Variants in ARG2 observed in about 807,000 individuals in gnomAD.
ARG2 encodes arginase-2, mitochondrial.
A neutral mutation model predicts 39.4 loss-of-function variants in ARG2; 21 were observed. The ratio of observed to expected loss-of-function variants is 0.53; its 90% CI spans 0.38 to 0.77. The LOEUF is 0.77. Ranked by LOEUF, ARG2 falls within the 30% of genes least tolerant of loss-of-function variation. ARG2 has a pLI of 0.00. For synonymous variants in ARG2, 150 were observed against 156.7 expected (o/e 0.96, Z 0.32); for missense variants, 378 against 426.2 (o/e 0.89, Z 1.00).
At position 67,619,923 on chromosome 14, in the gene ARG2, C is replaced by T. The variant is rs2036788722; in HGVS notation, c.-55C>T. 1 of 1,270,956 alleles carries T rather than the reference C, an allele frequency of 7.9e-7. No homozygotes were observed. The highest frequency in any genetic ancestry group is 2.8e-5 in the Admixed American group (1 of 35,232). 78.7% of individuals were successfully genotyped at this position (1,270,956 alleles called of 1,614,324 possible). Reference sequence around the variant, plus strand: ...GCAGCGGCGGGCGGTGGCGCTCACTCCCGGCTTCCAACCGCGCGGAGCCTC... The same window carrying T: ...GCAGCGGCGGGCGGTGGCGCTCACTTCCGGCTTCCAACCGCGCGGAGCCTC... On this transcript the variant is annotated 5_prime_UTR_variant, in exon 1 of 8. Transcript: ENST00000261783.
At chr14:67,637,295 A>T (rs1388950372) in intron 2 of ARG2, among the ~76,000 whole-genome samples, 1 of 151,076 alleles carries the variant, frequency 6.6e-6, no homozygotes, top group Non-Finnish European at 1.5e-5. Context: ...CTGTAATCCC[A>T]GCTACTTGGG....
Position 67,646,996 on chromosome 14 carries a change from GGAAC to G in ARG2, c.698_701del (p.Arg233HisfsTer5), listed in dbSNP as rs767333263. 5 of 1,612,574 alleles carry G rather than the reference GGAAC, an allele frequency of 3.1e-6. No individual in the cohort carries two copies. The highest frequency in any genetic ancestry group is 4.2e-6 in the Non-Finnish European group (5 of 1,178,818). On this transcript the variant is annotated frameshift_variant, in exon 6 of 8. Transcript: ENST00000261783. LOFTEE classifies it high-confidence loss of function. ...ATCGACTTGGTATCCAGAAGGTCATGGAACGAACATTTGATCTGCTGATTGGCAA... is the reference window on the plus strand; with the variant it reads ...ATCGACTTGGTATCCAGAAGGTCATGGAACATTTGATCTGCTGATTGGCAA...
Position 67,642,270 on chromosome 14 carries a change from G to T in ARG2, c.269G>T (p.Arg90Leu). Residue 90 changes from arginine (R) to leucine (L), a missense_variant, in exon 3 of 8, where the codon CGC (arginine) becomes CTC (leucine). Transcript: ENST00000261783. Reference sequence around the variant, plus strand: ...TACAACAACCTGATAGTGAATCCACGCTCAGTGGGTCTTGCCAACCAGGAA... The same window carrying T: ...TACAACAACCTGATAGTGAATCCACTCTCAGTGGGTCTTGCCAACCAGGAA... ...DLYNNLIVNP[R>L]SVGLANQELA... The T allele has an allele frequency of 6.2e-7, 1 of 1,614,108 alleles. No individual in the cohort carries two copies. Among genetic ancestry groups the T allele is most frequent in the East Asian group, 2.2e-5 (1 of 44,880 alleles).
chr14:67,622,156 ACT>A lies in ARG2; in HGVS notation c.184+1193_184+1194del, dbSNP rs752649463. Among the ~76,000 whole-genome samples the A allele has an allele frequency of 2.0e-4, 31 of 152,108 alleles. No homozygotes were observed. The East Asian group carries it at 5.4e-3, about 27-fold the overall frequency. On this transcript the variant is annotated intron_variant, in intron 2 of 7. Transcript: ENST00000261783. ...TTATATCCAATCTAAATGTTTCTAGACTCTGTTCAAGGCCATTTGCTCTGTTC... is the reference window on the plus strand; with the variant it reads ...TTATATCCAATCTAAATGTTTCTAGACTGTTCAAGGCCATTTGCTCTGTTC...
At position 67,650,938 on chromosome 14, in the gene ARG2, C is replaced by CA. The variant is rs770910663; in HGVS notation, c.*19dup. The CA allele has an allele frequency of 4.4e-6, 7 of 1,609,030 alleles. No individual in the cohort carries two copies. The highest frequency in any genetic ancestry group is 5.1e-6 in the Non-Finnish European group (6 of 1,176,250). On this transcript the variant is annotated 3_prime_UTR_variant, in exon 8 of 8. Transcript: ENST00000261783. ...GAATTTAGGAGACACTGTGCACTGACATGTTTCACAACAGGCATTCCAGAA... is the reference window on the plus strand; with the variant it reads ...GAATTTAGGAGACACTGTGCACTGACAATGTTTCACAACAGGCATTCCAGAA...
intron 6 of ARG2, chr14:67,647,775 C>A (rs1441204787): frequency 2.3e-5 from 9 of 391,568 alleles, no homozygotes; most frequent in Non-Finnish European, 3.7e-5. Flanking sequence ...GTTCTAATAC[C>A]CAGTGTAAGG....
At position 67,651,043 on chromosome 14, in the gene ARG2, C is replaced by A. The variant is rs912781805; in HGVS notation, c.*123C>A. 7 of 1,119,644 alleles carry A rather than the reference C, an allele frequency of 6.3e-6. No homozygotes were observed. The highest frequency in any genetic ancestry group is 8.9e-6 in the Non-Finnish European group (7 of 782,564). 69.4% of individuals were successfully genotyped at this position (1,119,644 alleles called of 1,614,324 possible). A position where few individuals can be genotyped will look rare whatever the true frequency, so the allele number is the denominator to read the frequency against. ...GCCTTAATGAGAACATTTACACATTCTCACAATTGTAAAGTTTCCCCTCTA... is the reference window on the plus strand; with the variant it reads ...GCCTTAATGAGAACATTTACACATTATCACAATTGTAAAGTTTCCCCTCTA... On this transcript the variant is annotated 3_prime_UTR_variant, in exon 8 of 8. Coordinates refer to ENST00000261783, the MANE Select transcript of ARG2 (RefSeq NM_001172.4).
At chr14:67,637,203 AG>A (rs1384624650) in intron 2 of ARG2, among the ~76,000 whole-genome samples, 2 of 152,066 alleles carry the variant, frequency 1.3e-5, no homozygotes, top group African/African-American at 2.4e-5. Context: ...TGAGGTCAGG[AG>A]TTCGAGACCA....
At chr14:67,646,195 A>G (rs1054413843) in intron 4 of ARG2, among the ~76,000 whole-genome samples, 10 of 152,176 alleles carry the variant, frequency 6.6e-5, no homozygotes, top group Admixed American at 5.2e-4. Context: ...GAATCTGTAT[A>G]TCCCTCCCCT....
intron 4 of ARG2, 76 bp from the exon 5 acceptor site, chr14:67,646,568 C>G: frequency 8.4e-7 from 1 of 1,192,962 alleles, no homozygotes; most frequent in Non-Finnish European, 1.2e-6. Flanking sequence ...GATTGCATAC[C>G]CACGGACGCA....
At chr14:67,639,848 C>T (rs141987783) in intron 2 of ARG2, among the ~76,000 whole-genome samples, 1 of 149,858 alleles carries the variant, frequency 6.7e-6, no homozygotes, top group African/African-American at 2.5e-5. Context: ...TTGCTTGAAT[C>T]CAGGAAGTGG....
At chr14:67,623,714 G>C (rs1030331855) in intron 2 of ARG2, among the ~76,000 whole-genome samples, 1 of 151,878 alleles carries the variant, frequency 6.6e-6, no homozygotes, top group Admixed American at 6.6e-5. Context: ...ACTAATTTTT[G>C]TATTTTTAGT....
At chr14:67,647,495 A>G (rs531896792) in intron 6 of ARG2, 3 of 157,394 alleles carry the variant, frequency 1.9e-5, no homozygotes, top group African/African-American at 7.2e-5. Flanking sequence ...ATGTCATTTC[A>G]TAAGCTGTTA....
Position 67,619,972 on chromosome 14 carries a change from C to A in ARG2, c.-6C>A, listed in dbSNP as rs568606470. ...TCTGCCTTGGAGATTCTCAGTGCTG[C>A]GGATCATGTCCCTAAGGGGCAGCCT... On this transcript the variant is annotated 5_prime_UTR_variant, in exon 1 of 8. Transcript: ENST00000261783. 6.3e-6 allele frequency: 10 copies of A among 1,575,302 alleles called. No homozygotes were observed. The South Asian group carries it at 1.0e-4, about 16-fold the overall frequency.
At chr14:67,627,834 C>A (rs1159691191) in intron 2 of ARG2, among the ~76,000 whole-genome samples, 4 of 152,072 alleles carry the variant, frequency 2.6e-5, no homozygotes, top group Non-Finnish European at 4.4e-5. Context: ...GTCCCATTTC[C>A]CACAAAAAAG....
At position 67,619,953 on chromosome 14, in the gene ARG2, T is replaced by G; in HGVS notation, c.-25T>G. 1 of 1,521,330 alleles carries G rather than the reference T, an allele frequency of 6.6e-7. No homozygotes were observed. Among genetic ancestry groups the G allele is most frequent in the Non-Finnish European group, 8.9e-7 (1 of 1,121,898 alleles). 94.2% of individuals were successfully genotyped at this position (1,521,330 alleles called of 1,614,324 possible). A position where few individuals can be genotyped will look rare whatever the true frequency, so the allele number is the denominator to read the frequency against. On this transcript the variant is annotated 5_prime_UTR_variant, in exon 1 of 8. Coordinates refer to ENST00000261783, the MANE Select transcript of ARG2 (RefSeq NM_001172.4). ...CTTCCAACCGCGCGGAGCCTCTGCCTTGGAGATTCTCAGTGCTGCGGATCA... is the reference window on the plus strand; with the variant it reads ...CTTCCAACCGCGCGGAGCCTCTGCCGTGGAGATTCTCAGTGCTGCGGATCA...
intron 2 of ARG2, among the ~76,000 whole-genome samples, chr14:67,631,875 T>C (rs2036922120): frequency 6.6e-6 from 1 of 152,046 alleles, no homozygotes; most frequent in Admixed American, 6.6e-5. Context: ...CAAAGCTCTA[T>C]TTTTTTAAAA....
intron 2 of ARG2, among the ~76,000 whole-genome samples, chr14:67,629,769 C>T (rs1188120722): frequency 3.9e-5 from 6 of 152,114 alleles, no homozygotes; most frequent in Non-Finnish European, 7.3e-5. Flanking sequence ...GAAATGTGTT[C>T]AAGATCCTAC....
At chr14:67,642,843 C>T (rs1283201539) in intron 3 of ARG2, among the ~76,000 whole-genome samples, 2 of 111,850 alleles carry the variant, frequency 1.8e-5, no homozygotes, top group Admixed American at 2.8e-4. Context: ...GGCTCTGTTG[C>T]CCAGGCTGGA....
Sources: allele counts gnomAD v4.1 joint callset (sites outside exome capture counted in the v4.1 genomes callset), GRCh38; gene constraint gnomAD v4.1.1; transcripts MANE v1.5; gene names NCBI Gene and HGNC (gene_info 2026-07-23, HGNC 2026-07-21).